Variants in PARG observed in about 807,000 individuals in gnomAD.
PARG encodes poly(ADP-ribose) glycohydrolase, also known as mitochondrial poly(ADP-ribose) glycohydrolase.
In PARG, 35 loss-of-function variants were observed where a neutral mutation model predicts 113.0. The observed-to-expected ratio is 0.31, with a 90% CI of 0.24 to 0.41. The LOEUF (loss-of-function observed/expected upper bound fraction) is 0.41, where lower values mean the gene tolerates loss of function less well. Among genes scored for constraint, PARG ranks in the 10% least tolerant of loss-of-function variants. The pLI, the probability that PARG is intolerant of heterozygous loss-of-function variation, is 1.00. For synonymous variants in PARG, 330 were observed against 409.9 expected, an observed-to-expected ratio of 0.81 and a Z score of 2.36; for missense variants, 797 against 1,169.4, an observed-to-expected ratio of 0.68 and a Z score of 4.64.
At chr10:49,931,189 T>C (rs1172797980) in intron 4 of PARG, among the ~76,000 whole-genome samples, 1 of 152,120 alleles carries the variant, frequency 6.6e-6, no homozygotes, top group African/African-American at 2.4e-5. Flanking sequence ...TCTTTTGTTA[T>C]AATGTTATAA....
At chr10:49,849,025 G>A (rs1228955897) in intron 13 of PARG, among the ~76,000 whole-genome samples, 11 of 151,938 alleles carry the variant, frequency 7.2e-5, no homozygotes, top group South Asian at 2.1e-4. Context: ...GAGAAACCCC[G>A]TCTCTACTAA....
intron 15 of PARG, among the ~76,000 whole-genome samples, chr10:49,840,792 T>C (rs1308594093): frequency 1.3e-5 from 2 of 152,248 alleles, no homozygotes; most frequent in African/African-American, 4.8e-5. Context: ...ACTGTTATTA[T>C]TCTCAGAAGT....
intron 7 of PARG, among the ~76,000 whole-genome samples, chr10:49,894,515 C>A (rs1439678539): frequency 6.6e-6 from 1 of 152,006 alleles, no homozygotes; most frequent in African/African-American, 2.4e-5. Flanking sequence ...ATAGTTTTTG[C>A]TTTTTCAGTT....
In PARG at chr10:49,881,833, C is replaced by T. The variant is rs182226581; in HGVS notation, c.1831-2003G>A. Among the ~76,000 whole-genome samples, 1,179 of 152,228 alleles carry T rather than the reference C, an allele frequency of 7.7e-3. 11 individuals are homozygous for T. Among genetic ancestry groups the T allele is most frequent in the African/African-American group, 0.023 (949 of 41,530 alleles). On this transcript the variant is annotated intron_variant, in intron 8 of 17. Transcript: ENST00000616448. Reference sequence around the variant, plus strand: ...ACTATGTTATACAAAATTCTCTCCCCTTCAGGTCTTAGCAATCACCATTTC... The same window carrying T: ...ACTATGTTATACAAAATTCTCTCCCTTTCAGGTCTTAGCAATCACCATTTC...
rs529054932 is a variant in PARG, at chr10:49,883,048, C to T, written c.1830+2155G>A. 3.7e-3 allele frequency among the ~76,000 whole-genome samples: 569 copies of T among 151,752 alleles called. 3 individuals are homozygous for T. The highest frequency in any genetic ancestry group is 0.013 in the African/African-American group (527 of 41,318). On this transcript the variant is annotated intron_variant, in intron 8 of 17. Transcript: ENST00000616448. ...GAAGATATGTTTTAAAATATATTTC[C>T]CCTGCCCAATAGTAAAACTTATTTC...
intron 13 of PARG, among the ~76,000 whole-genome samples, chr10:49,846,072 A>G (rs1845491789): frequency 6.6e-6 from 1 of 151,882 alleles, no homozygotes; most frequent in Non-Finnish European, 1.5e-5. Context: ...ACAAAACTAA[A>G]GGTGGAAACA....
chr10:49,880,872 A>G (rs553827752), intron 8 of PARG, among the ~76,000 whole-genome samples: 2 of 152,358 alleles, frequency 1.3e-5, no homozygotes, highest in East Asian at 3.9e-4. Context: ...CAGACCTTGA[A>G]AGAATTGAAG....
intron 15 of PARG, among the ~76,000 whole-genome samples, chr10:49,836,306 A>ACT (rs1844922711): frequency 3.8e-5 from 1 of 26,282 alleles, no homozygotes; most frequent in Non-Finnish European, 1.3e-4. Context: ...ATTTCTTACG[A>ACT]CTTTTTTTTT....
chr10:49,909,389 G>A lies in PARG; in HGVS notation c.1737+6528C>T, dbSNP rs1216727014. Among the ~76,000 whole-genome samples the A allele has an allele frequency of 9.9e-5, 15 of 151,452 alleles. No individual in the cohort carries two copies. The South Asian group carries it at 2.7e-3, about 28-fold the overall frequency. Reference sequence around the variant, plus strand: ...TACAAGTTTATGTTCTTTTTTCTGAGTTTCTACTGATGCTCTGTCAATACA... The same window carrying A: ...TACAAGTTTATGTTCTTTTTTCTGAATTTCTACTGATGCTCTGTCAATACA... On this transcript the variant is annotated intron_variant, in intron 7 of 17. Transcript: ENST00000616448.
chr10:49,820,346 C>G (rs1465290872), intron 16 of PARG, 53 bp from the exon 17 acceptor site: 1 of 1,359,792 alleles, frequency 7.4e-7, no homozygotes, highest in Non-Finnish European at 1.0e-6. Flanking sequence ...CACCTAGATA[C>G]CTTTAGCTCT....
At chr10:49,829,402 C>T (rs1343909817) in intron 16 of PARG, among the ~76,000 whole-genome samples, 1 of 152,098 alleles carries the variant, frequency 6.6e-6, no homozygotes, top group Non-Finnish European at 1.5e-5. Context: ...TCAGCTTAGC[C>T]TTATTTCTAT....
chr10:49,865,931 A>C (rs1184003555), intron 10 of PARG, among the ~76,000 whole-genome samples: 4 of 150,574 alleles, frequency 2.7e-5, no homozygotes, highest in African/African-American at 9.8e-5. Flanking sequence ...TAGTACAGCT[A>C]AGTCTCAGGC....
chr10:49,829,097 G>A (rs545222282), intron 16 of PARG, among the ~76,000 whole-genome samples: 6 of 152,136 alleles, frequency 3.9e-5, no homozygotes, highest in Non-Finnish European at 7.4e-5. Context: ...TTAGCTGGGC[G>A]TGGTGGCAGG....
intron 11 of PARG, among the ~76,000 whole-genome samples, chr10:49,863,117 C>T (rs138099420): frequency 0.069 from 10,295 of 150,098 alleles, 502 homozygotes; most frequent in African/African-American, 0.12. Flanking sequence ...TCTACACCCC[C>T]GCCCCAGGAG....
At chr10:49,908,787 C>CA in intron 7 of PARG, among the ~76,000 whole-genome samples, 1 of 152,008 alleles carries the variant, frequency 6.6e-6, no homozygotes, top group African/African-American at 2.4e-5. Flanking sequence ...CAAAACAAAA[C>CA]AAAAAATGAC....
At chr10:49,920,451 TAAAAAA>T (rs781928566) in intron 6 of PARG, among the ~76,000 whole-genome samples, 2 of 39,896 alleles carry the variant, frequency 5.0e-5, no homozygotes, top group South Asian at 8.1e-4. Context: ...AGCCTCAAAT[TAAAAAA>T]AAAAAAATAT....
At chr10:49,838,380 G>A (rs1241947892) in intron 15 of PARG, among the ~76,000 whole-genome samples, 10 of 136,118 alleles carry the variant, frequency 7.3e-5, no homozygotes, top group African/African-American at 1.7e-4. Context: ...GCAATGAGCC[G>A]AGATCATGCC....
intron 7 of PARG, among the ~76,000 whole-genome samples, chr10:49,909,041 A>T (rs1554845613): frequency 6.6e-6 from 1 of 152,182 alleles, no homozygotes; most frequent in East Asian, 1.9e-4. Flanking sequence ...AAAATTTTTA[A>T]TACACAAAAA....
chr10:49,842,008 T>A lies in PARG; in HGVS notation c.2483A>T (p.His828Leu). 6.5e-7 allele frequency: 1 copy of A among 1,550,322 alleles called. No homozygotes were observed. The highest frequency in any genetic ancestry group is 2.0e-5 in the Admixed American group (1 of 50,994). Residue 828 changes from histidine to leucine, a missense_variant, in exon 15 of 18, where the codon CAC becomes CTC. Around this residue, in one of 5 missense-constraint regions of PARG, gnomAD observed 194 missense variants for 247.1 expected, o/e 0.79. Transcript: ENST00000616448. The part of the protein sequence containing the change: ...CTEIVAIDAL[H>L]FRRYLDQFVP... Reference sequence around the variant, plus strand: ...AAACTGATCGAGGTAGCGTCTGAAGTGAAGAGCATCGATGGCAACGATCTC... The same window carrying A: ...AAACTGATCGAGGTAGCGTCTGAAGAGAAGAGCATCGATGGCAACGATCTC...
Sources: gnomAD v4.1 joint callset for allele counts (sites outside exome capture counted in the v4.1 genomes callset) on GRCh38, gnomAD v4.1.1 for gene constraint, gnomAD v4.1.1 regional missense constraint, MANE v1.5 for transcripts, NCBI Gene and HGNC (gene_info 2026-07-23, HGNC 2026-07-21) for gene names.